Variants in VPS53 observed in about 807,000 individuals in gnomAD.
VPS53 encodes the protein VPS53 subunit of GARP complex.
A neutral mutation model predicts 107.0 loss-of-function variants in VPS53; 70 were observed. The observed-to-expected ratio is 0.65, with a 90% CI of 0.54 to 0.80. VPS53 has a LOEUF of 0.80. Among genes scored for constraint, VPS53 ranks in the 30% least tolerant of loss-of-function variants. The pLI, the probability that VPS53 is intolerant of heterozygous loss-of-function variation, is 0.00. For synonymous variants in VPS53, 409 were observed against 393.3 expected (o/e 1.04, Z -0.47); for missense variants, 917 against 1,049.4 (o/e 0.87, Z 1.74).
Position 680,777 on chromosome 17 carries a change from T to C in VPS53, c.285+16641A>G, listed in dbSNP as rs1201936021. On this transcript the variant is annotated intron_variant, in intron 4 of 21. Coordinates refer to ENST00000437048, the MANE Select transcript of VPS53 (RefSeq NM_001128159.3). ...CCACACAGAAGGCACTCACTAAATA[T>C]GTACTGAGTGAGCAAATGAACAGAT... 3.3e-5 allele frequency among the ~76,000 whole-genome samples: 5 copies of C among 152,340 alleles called. No individual in the cohort carries two copies. The South Asian group carries it at 8.3e-4, about 25-fold the overall frequency.
At chr17:624,695 C>T (rs984023274) in intron 10 of VPS53, among the ~76,000 whole-genome samples, 8 of 152,178 alleles carry the variant, frequency 5.3e-5, no homozygotes, top group African/African-American at 1.9e-4. Context: ...CTCTAGCATA[C>T]GTCCAGCCTC....
chr17:661,875 T>C lies in VPS53; in HGVS notation c.306A>G (p.Lys102=), dbSNP rs923246975. ...TTTTGCCAAAGAGTTGTTGGATAGCTTTCTGAGCCTCTTCAAGCGCCTAGA... is the reference window on the plus strand; with the variant it reads ...TTTTGCCAAAGAGTTGTTGGATAGCCTTCTGAGCCTCTTCAAGCGCCTAGA... The part of the protein sequence containing the change: ...DGRQALEEAQ[K]AIQQLFGKIK... The change falls in exon 5 of 22, where the codon AAA becomes AAG. Residue 102 remains lysine, a synonymous_variant. Transcript: ENST00000437048. 6.4e-6 allele frequency: 10 copies of C among 1,552,194 alleles called. No individual in the cohort carries two copies. Among genetic ancestry groups the C allele is most frequent in the Non-Finnish European group, 8.7e-6 (10 of 1,147,124 alleles).
At position 514,810 on chromosome 17, in the gene VPS53, C is replaced by G. The variant is rs2151786272; in HGVS notation, c.*4318G>C. ...CTGTCTGATCTGCACAGAGGAGCCACCCTAGACATAAGAAATCAGGCACCC... is the reference window on the plus strand; with the variant it reads ...CTGTCTGATCTGCACAGAGGAGCCAGCCTAGACATAAGAAATCAGGCACCC... On this transcript the variant is annotated 3_prime_UTR_variant, in exon 22 of 22. Transcript: ENST00000437048. 1 of 152,404 alleles carries G rather than the reference C, an allele frequency of 6.6e-6. No homozygotes were observed. The highest frequency in any genetic ancestry group is 6.5e-5 in the Admixed American group (1 of 15,306). 9.4% of individuals were successfully genotyped at this position (152,404 alleles called of 1,614,324 possible).
chr17:668,620 T>C (rs1054644906), intron 4 of VPS53, among the ~76,000 whole-genome samples: 1 of 152,184 alleles, frequency 6.6e-6, no homozygotes, highest in African/African-American at 2.4e-5. Flanking sequence ...GGACTGATCT[T>C]TTTCGACACA....
chr17:579,209 C>A (rs993047714), intron 13 of VPS53, among the ~76,000 whole-genome samples: 1 of 151,102 alleles, frequency 6.6e-6, no homozygotes, highest in African/African-American at 2.4e-5. Context: ...AATGCGTTCC[C>A]AGAGAACCTC....
chr17:541,361 C>T (rs1280154720), intron 17 of VPS53, among the ~76,000 whole-genome samples: 1 of 152,178 alleles, frequency 6.6e-6, no homozygotes, highest in East Asian at 1.9e-4. Context: ...CAAGCATCTA[C>T]CATGCACCAG....
intron 1 of VPS53, among the ~76,000 whole-genome samples, chr17:713,315 A>C (rs147743656): frequency 9.1e-4 from 139 of 152,268 alleles, no homozygotes; most frequent in Non-Finnish European, 1.4e-3. Flanking sequence ...CCTTTAAGGG[A>C]GATTTTCTCC....
At chr17:699,828 C>T (rs1399159588) in intron 2 of VPS53, among the ~76,000 whole-genome samples, 1 of 152,142 alleles carries the variant, frequency 6.6e-6, no homozygotes, top group African/African-American at 2.4e-5. Context: ...AAACATTTTA[C>T]TAACGGAATG....
intron 4 of VPS53, among the ~76,000 whole-genome samples, chr17:692,997 G>A (rs963274548): frequency 6.6e-6 from 1 of 152,178 alleles, no homozygotes; most frequent in Non-Finnish European, 1.5e-5. Flanking sequence ...AGCCAGGCGT[G>A]GTGGTGCATG....
intron 4 of VPS53, 66 bp from the exon 5 acceptor site, chr17:661,961 T>A: frequency 8.2e-6 from 11 of 1,337,832 alleles, no homozygotes; most frequent in Non-Finnish European, 1.1e-5. Flanking sequence ...CTAACTGTAA[T>A]CAATGCTAGG....
At chr17:566,735 T>C (rs190437525) in intron 13 of VPS53, among the ~76,000 whole-genome samples, 60 of 152,098 alleles carry the variant, frequency 3.9e-4, no homozygotes, top group African/African-American at 1.4e-3. Context: ...TTTTGTTTTT[T>C]TTTGTTTTTG....
At position 524,549 on chromosome 17, in the gene VPS53, CACA is replaced by C. The variant is rs1302167268; in HGVS notation, c.2086-2814_2086-2812del. ...AAAGCACAAACTATCCCAACAGCGA[CACA>C]ACAACAGGCAAACAATACTAACACC... On this transcript the variant is annotated intron_variant, in intron 19 of 21. Coordinates refer to ENST00000437048, the MANE Select transcript of VPS53 (RefSeq NM_001128159.3). This position sits in a 1 kb window ranked among gnomAD's most constrained non-coding sequence, Gnocchi z 4.5. Among the ~76,000 whole-genome samples, 2 of 152,194 alleles carry C rather than the reference CACA, an allele frequency of 1.3e-5. No individual in the cohort carries two copies. Among genetic ancestry groups the C allele is most frequent in the Admixed American group, 6.5e-5 (1 of 15,280 alleles).
At chr17:684,154 G>A (rs1340326256) in intron 4 of VPS53, among the ~76,000 whole-genome samples, 5 of 152,204 alleles carry the variant, frequency 3.3e-5, no homozygotes. Context: ...CAAGCAAGAT[G>A]CTAGATTTAA....
At chr17:533,004 AC>A in intron 18 of VPS53, 93 bp from the exon 19 acceptor site, 1 of 1,501,940 alleles carries the variant, frequency 6.7e-7, no homozygotes, top group Non-Finnish European at 9.0e-7. Context: ...CCATGAAAAA[AC>A]CTTTTTTAAT....
chr17:699,393 A>C lies in VPS53; in HGVS notation c.169-13T>G. 1 of 1,554,038 alleles carries C rather than the reference A, an allele frequency of 6.4e-7. No individual in the cohort carries two copies. Among genetic ancestry groups the C allele is most frequent in the Non-Finnish European group, 8.7e-7 (1 of 1,155,942 alleles). On this transcript the variant is annotated splice_polypyrimidine_tract_variant and intron_variant, in intron 2 of 21. Coordinates refer to ENST00000437048, the MANE Select transcript of VPS53 (RefSeq NM_001128159.3). Reference sequence around the variant, plus strand: ...TGTTCGCCAGAGACTACAATAAAGAAGGAAGAGTGCCCAGCTGTTAGTCCA... The same window carrying C: ...TGTTCGCCAGAGACTACAATAAAGACGGAAGAGTGCCCAGCTGTTAGTCCA...
chr17:634,519 A>G (rs1385683572), intron 7 of VPS53, among the ~76,000 whole-genome samples: 3 of 147,864 alleles, frequency 2.0e-5, no homozygotes, highest in Admixed American at 6.7e-5. Context: ...TACATTAGCT[A>G]TATCTCCTAA....
intron 1 of VPS53, among the ~76,000 whole-genome samples, chr17:713,707 T>C (rs930499507): frequency 5.9e-5 from 9 of 151,500 alleles, no homozygotes; most frequent in Admixed American, 2.6e-4. Context: ...TCTAATATCA[T>C]TAGCCTTAAA....
intron 15 of VPS53, among the ~76,000 whole-genome samples, chr17:555,356 C>T (rs549893481): frequency 2.2e-4 from 33 of 152,342 alleles, no homozygotes; most frequent in African/African-American, 7.0e-4. Flanking sequence ...CTTTGCCGCA[C>T]CCCCACTTTC....
chr17:646,179 G>A lies in VPS53; in HGVS notation c.608+7112C>T, dbSNP rs553434233. Among the ~76,000 whole-genome samples, 119 of 116,204 alleles carry A rather than the reference G, an allele frequency of 1.0e-3. 12 individuals are homozygous for A. Among genetic ancestry groups the A allele is most frequent in the African/African-American group, 3.3e-3 (109 of 33,448 alleles). The allele number at this position is 116,204 out of a possible 152,430, so 76.2% of individuals were successfully genotyped here. A position where few individuals can be genotyped will look rare whatever the true frequency, so the allele number is the denominator to read the frequency against. On this transcript the variant is annotated intron_variant, in intron 7 of 21. Coordinates refer to ENST00000437048, the MANE Select transcript of VPS53 (RefSeq NM_001128159.3). ...TCTTATCTTTTCTAATTCATACCAC[G>A]GACTGGAGACTGGCTCCCACACACA...
Sources: gnomAD v4.1 joint callset for allele counts (sites outside exome capture counted in the v4.1 genomes callset) on GRCh38, gnomAD v4.1.1 for gene constraint, Gnocchi (gnomAD v3.1) non-coding constraint, MANE v1.5 for transcripts, NCBI Gene and HGNC (gene_info 2026-07-23, HGNC 2026-07-21) for gene names.